Variants in TRIL observed in about 807,000 individuals in gnomAD.
TRIL encodes TLR4 interactor with leucine rich repeats.
TRIL carries 23 observed loss-of-function variants against 43.0 expected under a neutral mutation model. That is an observed-to-expected ratio of 0.54 (90% CI 0.39 to 0.76). TRIL has a LOEUF of 0.76. Ranked by LOEUF, TRIL falls within the 30% of genes least tolerant of loss-of-function variation. The pLI is 0.00. For missense variants in TRIL, 1,114 were observed against 1,139.3 expected (o/e 0.98, Z 0.32); for synonymous variants, 602 against 556.8 (o/e 1.08, Z -1.14).
Position 28,957,686 on chromosome 7 carries a change from C to T in TRIL, c.361G>A (p.Ala121Thr). Residue 121 changes from alanine (A) to threonine (T), a missense_variant, in exon 1 of 1, where the codon GCG (alanine) becomes ACG (threonine). Coordinates refer to ENST00000539664, the MANE Select transcript of TRIL (RefSeq NM_014817.4). Reference protein sequence around the residue: ...ELYLGNNLLQALAPGTLAPLR... With the variant: ...ELYLGNNLLQTLAPGTLAPLR... ...GGGGCCAGCGTGCCCGGGGCGAGCG[C>T]CTGCAAGAGGTTGTTCCCCAGGTAC... 1 of 1,609,276 alleles carries T rather than the reference C, an allele frequency of 6.2e-7. No individual in the cohort carries two copies. The highest frequency in any genetic ancestry group is 8.5e-7 in the Non-Finnish European group (1 of 1,177,966).
At position 28,956,268 on chromosome 7, in the gene TRIL, C is replaced by T. The variant is rs1368614178; in HGVS notation, c.1779G>A (p.Glu593=). 1.9e-5 allele frequency: 29 copies of T among 1,548,034 alleles called. No homozygotes were observed. The highest frequency in any genetic ancestry group is 2.4e-5 in the Non-Finnish European group (28 of 1,150,596). The stretch of plus-strand genomic sequence containing the variant: ...CCGAGGCGCTGTCTGCGCCCACCGC[C>T]TCCACCGTCAGGTTGCACAGAATGA... ...NKFILCNLTV[E]AVGADSASVR... The change falls in exon 1 of 1, where the codon GAG becomes GAA. Residue 593 remains glutamate, a synonymous_variant. Coordinates refer to ENST00000539664, the MANE Select transcript of TRIL (RefSeq NM_014817.4).
Position 28,955,820 on chromosome 7 carries a change from A to T in TRIL, c.2227T>A (p.Ser743Thr). Residue 743 changes from serine to threonine, a missense_variant, in exon 1 of 1, where the codon TCC (serine) becomes ACC (threonine). By Grantham distance (58) the Ser-to-Thr change is moderately conservative. Transcript: ENST00000539664. ...ATGGAGCGCAGGGGCCGTCGGGTGG[A>T]GTACATGTGCCGAACGTGGACCGGG... Reference protein sequence around the residue: ...GAPVHVRHMYSTRRPLRSMGT... With the variant: ...GAPVHVRHMYTTRRPLRSMGT... The T allele has an allele frequency of 1.3e-6, 2 of 1,549,870 alleles. No individual in the cohort carries two copies. Among genetic ancestry groups the T allele is most frequent in the Non-Finnish European group, 1.7e-6 (2 of 1,146,748 alleles).
At position 28,958,232 on chromosome 7, in the gene TRIL, C is replaced by T. The variant is rs1046505489; in HGVS notation, c.-186G>A. On this transcript the variant is annotated 5_prime_UTR_variant, in exon 1 of 1. Coordinates refer to ENST00000539664, the MANE Select transcript of TRIL (RefSeq NM_014817.4). ...CGGGTCTCTGCAGGCGGGCTTCGCC[C>T]GGCCAAGTCAGGCGGCGCGGGGCGC... is the stretch of plus-strand genomic sequence containing the variant. 12 of 830,058 alleles carry T rather than the reference C, an allele frequency of 1.4e-5. No individual in the cohort carries two copies. In the Admixed American group the frequency reaches 3.4e-4, roughly 23 times the overall value. The allele number at this position is 830,058 out of a possible 1,614,324, so 51.4% of individuals were successfully genotyped here. A position where few individuals can be genotyped will look rare whatever the true frequency, so the allele number is the denominator to read the frequency against.
chr7:28,957,962 C>T lies in TRIL; in HGVS notation c.85G>A (p.Glu29Lys), dbSNP rs777679064. 2 of 1,605,688 alleles carry T rather than the reference C, an allele frequency of 1.2e-6. No homozygotes were observed. The highest frequency in any genetic ancestry group is 3.3e-5 in the Admixed American group (2 of 59,990). The change falls in exon 1 of 1, where the codon GAG (glutamate) becomes AAG (lysine). Residue 29 changes from glutamate to lysine, a missense_variant. Coordinates refer to ENST00000539664, the MANE Select transcript of TRIL (RefSeq NM_014817.4). ...LPPLAEPVCP[E>K]RCDCQHPQHL... ...TGGGGATGCTGGCAGTCGCAGCGCT[C>T]CGGGCACACGGGCTCGGCCAGCGGC...
Position 28,958,092 on chromosome 7 carries a change from C to T in TRIL, c.-46G>A. 1 of 1,465,186 alleles carries T rather than the reference C, an allele frequency of 6.8e-7. No homozygotes were observed. Among genetic ancestry groups the T allele is most frequent in the Non-Finnish European group, 9.0e-7 (1 of 1,113,294 alleles). 90.8% of individuals were successfully genotyped at this position (1,465,186 alleles called of 1,614,324 possible). Reference sequence around the variant, plus strand: ...GCGGCCGGATCGTCCTCTTGGCCCGCCGGCTCTGTGTCTCCTCTGCATTCC... The same window carrying T: ...GCGGCCGGATCGTCCTCTTGGCCCGTCGGCTCTGTGTCTCCTCTGCATTCC... On this transcript the variant is annotated 5_prime_UTR_variant, in exon 1 of 1. Coordinates refer to ENST00000539664, the MANE Select transcript of TRIL (RefSeq NM_014817.4).
Position 28,958,050 on chromosome 7 carries a change from C to T in TRIL, c.-4G>A, listed in dbSNP as rs549106202. On this transcript the variant is annotated 5_prime_UTR_variant, in exon 1 of 1. Coordinates refer to ENST00000539664, the MANE Select transcript of TRIL (RefSeq NM_014817.4). ...GCAAGGCGCGGGCAGCCTCCATCGC[C>T]TCCCGCCCTGCGTGCAGCGGCCGGA... is the stretch of plus-strand genomic sequence containing the variant. 1.3e-6 allele frequency: 2 copies of T among 1,504,208 alleles called. No individual in the cohort carries two copies. Among genetic ancestry groups the T allele is most frequent in the South Asian group, 2.7e-5 (2 of 75,376 alleles). 93.2% of individuals were successfully genotyped at this position (1,504,208 alleles called of 1,614,324 possible).
Position 28,956,715 on chromosome 7 carries a change from T to A in TRIL, c.1332A>T (p.Ala444=). The A allele has an allele frequency of 6.3e-7, 1 of 1,599,800 alleles. No homozygotes were observed. Among genetic ancestry groups the A allele is most frequent in the Non-Finnish European group, 8.5e-7 (1 of 1,175,912 alleles). The change falls in exon 1 of 1, where the codon GCA becomes GCT. Residue 444 remains alanine, a synonymous_variant. Transcript: ENST00000539664. ...TAAGEEMTPP[A]GLAEELPPQP... Reference sequence around the variant, plus strand: ...GCGGCGGCAGCTCCTCCGCGAGACCTGCAGGTGGCGTCATCTCCTCCCCTG... The same window carrying A: ...GCGGCGGCAGCTCCTCCGCGAGACCAGCAGGTGGCGTCATCTCCTCCCCTG...
rs1474785741 is a variant in TRIL at position 28,957,859 on chromosome 7, GT to G, written c.187del (p.Thr63ProfsTer9). On this transcript the variant is annotated frameshift_variant, in exon 1 of 1. Coordinates refer to ENST00000539664, the MANE Select transcript of TRIL (RefSeq NM_014817.4). LOFTEE classifies it high-confidence loss of function. ...TATGAAGTTGCCGCCGAGGCTGTAG[GT>G]GAGCACGTCGTGGGGGCTCGGCAGC... Reference protein sequence around the residue: ...SSLPSPHDVLTYSLGGNFITN... With the variant: ...SSLPSPHDVLXYSLGGNFITN... 17 of 1,613,710 alleles carry G rather than the reference GT, an allele frequency of 1.1e-5. No individual in the cohort carries two copies. The highest frequency in any genetic ancestry group is 1.4e-5 in the Non-Finnish European group (17 of 1,179,828).
In TRIL at chr7:28,954,562, G is replaced by A. The variant is rs1036211679; in HGVS notation, c.*1049C>T. On this transcript the variant is annotated 3_prime_UTR_variant, in exon 1 of 1. Coordinates refer to ENST00000539664, the MANE Select transcript of TRIL (RefSeq NM_014817.4). The stretch of plus-strand genomic sequence containing the variant: ...CAATCACCTTTTGCTTCCCTATTAG[G>A]AAATAACCTTCATTGCTTAACTGCA... 2.0e-5 allele frequency: 3 copies of A among 152,324 alleles called. No homozygotes were observed. Among genetic ancestry groups the A allele is most frequent in the African/African-American group, 7.2e-5 (3 of 41,406 alleles). 9.4% of individuals were successfully genotyped at this position (152,324 alleles called of 1,614,324 possible). A position where few individuals can be genotyped will look rare whatever the true frequency, so the allele number is the denominator to read the frequency against.
At position 28,954,098 on chromosome 7, in the gene TRIL, A is replaced by C. The variant is rs1466031139; in HGVS notation, c.*1513T>G. On this transcript the variant is annotated 3_prime_UTR_variant, in exon 1 of 1. Coordinates refer to ENST00000539664, the MANE Select transcript of TRIL (RefSeq NM_014817.4). ...TAAATCCATAACCACTGTGACCATA[A>C]CCACAGTGTACATTCTCTTAGTGAC... 7 of 152,476 alleles carry C rather than the reference A, an allele frequency of 4.6e-5. No individual in the cohort carries two copies. The highest frequency in any genetic ancestry group is 6.5e-5 in the Admixed American group (1 of 15,276). The allele number at this position is 152,476 out of a possible 1,614,324, so 9.4% of individuals were successfully genotyped here. A position where few individuals can be genotyped will look rare whatever the true frequency, so the allele number is the denominator to read the frequency against.
Position 28,956,148 on chromosome 7 carries a change from G to T in TRIL, c.1899C>A (p.Phe633Leu). The change falls in exon 1 of 1, where the codon TTC (phenylalanine) becomes TTA (leucine). Residue 633 changes from phenylalanine (F) to leucine (L), a missense_variant. Phe to Leu is a conservative substitution (Grantham distance 22). Transcript: ENST00000539664. ...TCTCAGGCAGGTAGACGAAGCGGTG[G>T]AACTTGGGCTGCTGGCCAAAGCGGT... is the stretch of plus-strand genomic sequence containing the variant. ...LFDRFGQQPKFHRFVYLPESS... is the reference protein window; with the variant it reads ...LFDRFGQQPKLHRFVYLPESS... The T allele has an allele frequency of 6.4e-7, 1 of 1,571,994 alleles. No individual in the cohort carries two copies. Among genetic ancestry groups the T allele is most frequent in the East Asian group, 2.3e-5 (1 of 42,586 alleles).
In TRIL at chr7:28,955,782, C is replaced by G. The variant is rs1562702559; in HGVS notation, c.2265G>C (p.Val755=). The change falls in exon 1 of 1, where the codon GTG becomes GTC. Residue 755 remains valine, a synonymous_variant. Transcript: ENST00000539664. ...ACTGGAATCCCGAGAAGTCGGCGGA[C>G]ACGCCGGTGCCCATGGAGCGCAGGG... ...RRPLRSMGTG[V]SADFSGFQSH... is the part of the protein sequence containing the mutation. 2 of 1,550,196 alleles carry G rather than the reference C, an allele frequency of 1.3e-6. No individual in the cohort carries two copies. The highest frequency in any genetic ancestry group is 2.0e-5 in the Admixed American group (1 of 51,004).
chr7:28,955,918 A>G lies in TRIL; in HGVS notation c.2129T>C (p.Val710Ala). Reference protein sequence around the residue: ...LALLTVNALLVLLALAAWASR... With the variant: ...LALLTVNALLALLALAAWASR... The stretch of plus-strand genomic sequence containing the variant: ...CGCCCAGGCCGCCAAGGCCAGGAGC[A>G]CCAGCAGCGCGTTGACCGTCAGCAG... Residue 710 changes from valine to alanine, a missense_variant, in exon 1 of 1, where the codon GTG becomes GCG. By Grantham distance (64) the Val-to-Ala change is moderately conservative. Transcript: ENST00000539664. 6.4e-7 allele frequency: 1 copy of G among 1,552,854 alleles called. No homozygotes were observed. Among genetic ancestry groups the G allele is most frequent in the Non-Finnish European group, 8.7e-7 (1 of 1,150,172 alleles).
rs1490043133 is a variant in TRIL at position 28,957,978 on chromosome 7, G to C, written c.69C>G (p.Ala23=). Residue 23 remains alanine, a synonymous_variant, in exon 1 of 1, where the codon GCC becomes GCG. Coordinates refer to ENST00000539664, the MANE Select transcript of TRIL (RefSeq NM_014817.4). ...CGCAGCGCTCCGGGCACACGGGCTCGGCCAGCGGCGGGAGCGCGAGGCAGC... is the reference window on the plus strand; with the variant it reads ...CGCAGCGCTCCGGGCACACGGGCTCCGCCAGCGGCGGGAGCGCGAGGCAGC... The part of the protein sequence containing the change: ...VCGCLALPPL[A]EPVCPERCDC... 6.2e-7 allele frequency: 1 copy of C among 1,602,672 alleles called. No individual in the cohort carries two copies. Among genetic ancestry groups the C allele is most frequent in the Non-Finnish European group, 8.5e-7 (1 of 1,178,868 alleles).
chr7:28,958,077 C>G lies in TRIL; in HGVS notation c.-31G>C. The G allele has an allele frequency of 6.8e-7, 1 of 1,472,298 alleles. No individual in the cohort carries two copies. Among genetic ancestry groups the G allele is most frequent in the Non-Finnish European group, 9.0e-7 (1 of 1,117,044 alleles). 91.2% of individuals were successfully genotyped at this position (1,472,298 alleles called of 1,614,324 possible). A position where few individuals can be genotyped will look rare whatever the true frequency, so the allele number is the denominator to read the frequency against. On this transcript the variant is annotated 5_prime_UTR_variant, in exon 1 of 1. Coordinates refer to ENST00000539664, the MANE Select transcript of TRIL (RefSeq NM_014817.4). ...CCCGCCCTGCGTGCAGCGGCCGGAT[C>G]GTCCTCTTGGCCCGCCGGCTCTGTG...
chr7:28,956,272 A>C lies in TRIL; in HGVS notation c.1775T>G (p.Val592Gly). 1 of 1,548,282 alleles carries C rather than the reference A, an allele frequency of 6.5e-7. No homozygotes were observed. The highest frequency in any genetic ancestry group is 8.7e-7 in the Non-Finnish European group (1 of 1,150,922). ...FNKFILCNLTVEAVGADSASV... is the reference protein window; with the variant it reads ...FNKFILCNLTGEAVGADSASV... ...GGCGCTGTCTGCGCCCACCGCCTCC[A>C]CCGTCAGGTTGCACAGAATGAACTT... Residue 592 changes from valine to glycine, a missense_variant, in exon 1 of 1, where the codon GTG becomes GGG. Val to Gly is a moderately radical substitution (Grantham distance 109). Coordinates refer to ENST00000539664, the MANE Select transcript of TRIL (RefSeq NM_014817.4).
Position 28,953,502 on chromosome 7 carries a change from A to T in TRIL, c.*2109T>A, listed in dbSNP as rs1783354198. 6.6e-6 allele frequency: 1 copy of T among 152,578 alleles called. No individual in the cohort carries two copies. The highest frequency in any genetic ancestry group is 1.5e-5 in the Non-Finnish European group (1 of 68,036). The allele number at this position is 152,578 out of a possible 1,614,324, so 9.5% of individuals were successfully genotyped here. A position where few individuals can be genotyped will look rare whatever the true frequency, so the allele number is the denominator to read the frequency against. ...ATTTTCAGTGATGTTCTATGGCTGA[A>T]AAGGTGGGTGGTGAGGAGAACCAGA... On this transcript the variant is annotated 3_prime_UTR_variant, in exon 1 of 1. Coordinates refer to ENST00000539664, the MANE Select transcript of TRIL (RefSeq NM_014817.4).
chr7:28,957,318 G>T lies in TRIL; in HGVS notation c.729C>A (p.His243Gln). Reference sequence around the variant, plus strand: ...GGTGCTGGAAGATGCGCGGCCCGAGGTGCTGCAGGTTGTTGGCCGAGAGGA... The same window carrying T: ...GGTGCTGGAAGATGCGCGGCCCGAGTTGCTGCAGGTTGTTGGCCGAGAGGA... ...SLILSANNLQ[H>Q]LGPRIFQHLP... The change falls in exon 1 of 1, where the codon CAC becomes CAA. Residue 243 changes from histidine (H) to glutamine (Q), a missense_variant. By Grantham distance (24) the His-to-Gln change is conservative. Coordinates refer to ENST00000539664, the MANE Select transcript of TRIL (RefSeq NM_014817.4). The T allele has an allele frequency of 3.1e-6, 5 of 1,612,282 alleles. No individual in the cohort carries two copies. The highest frequency in any genetic ancestry group is 4.2e-6 in the Non-Finnish European group (5 of 1,179,786).
chr7:28,955,602 G>T lies in TRIL; in HGVS notation c.*9C>A. On this transcript the variant is annotated 3_prime_UTR_variant, in exon 1 of 1. Coordinates refer to ENST00000539664, the MANE Select transcript of TRIL (RefSeq NM_014817.4). The stretch of plus-strand genomic sequence containing the variant: ...AGGGCCAATGAGATGGTCTCTATAT[G>T]CCCTGGACCTAGTCGGCAAATCGCT... 2 of 1,528,840 alleles carry T rather than the reference G, an allele frequency of 1.3e-6. No individual in the cohort carries two copies. The highest frequency in any genetic ancestry group is 1.8e-6 in the Non-Finnish European group (2 of 1,140,150). 94.7% of individuals were successfully genotyped at this position (1,528,840 alleles called of 1,614,324 possible). A position where few individuals can be genotyped will look rare whatever the true frequency, so the allele number is the denominator to read the frequency against.
Sources: allele counts gnomAD v4.1 joint callset, GRCh38; gene constraint gnomAD v4.1.1; transcripts MANE v1.5; gene names NCBI Gene and HGNC (gene_info 2026-07-23, HGNC 2026-07-21).